ZNF410: variants seen among roughly 807,000 people sequenced by gnomAD.
ZNF410 encodes the protein zinc finger protein 410.
A neutral mutation model predicts 54.8 loss-of-function variants in ZNF410; 18 were observed. The observed-to-expected ratio is 0.33, with a 90% CI of 0.23 to 0.49. The LOEUF (loss-of-function observed/expected upper bound fraction) is 0.49, where lower values mean the gene tolerates loss of function less well. Ranked by LOEUF, ZNF410 falls within the 20% of genes least tolerant of loss-of-function variation. The pLI is 0.99. For synonymous variants in ZNF410, 191 were observed against 207.3 expected (o/e 0.92, Z 0.68); for missense variants, 405 against 569.6 (o/e 0.71, Z 2.94).
intron 11 of ZNF410, among the ~76,000 whole-genome samples, chr14:73,926,020 T>TGA (rs1322104115): frequency 6.6e-6 from 1 of 152,124 alleles, no homozygotes; most frequent in Non-Finnish European, 1.5e-5. Flanking sequence ...GGTGACAGAG[T>TGA]GAGACCCTGT....
chr14:73,901,933 CA>C lies in ZNF410; in HGVS notation c.581-2014del, dbSNP rs200015374. Among the ~76,000 whole-genome samples the C allele has an allele frequency of 2.5e-3, 320 of 126,244 alleles. 1 individual carries two copies. The highest frequency in any genetic ancestry group is 3.8e-3 in the Non-Finnish European group (224 of 59,206). The allele number at this position is 126,244 out of a possible 152,430, so 82.8% of individuals were successfully genotyped here. A position where few individuals can be genotyped will look rare whatever the true frequency, so the allele number is the denominator to read the frequency against. On this transcript the variant is annotated intron_variant, in intron 5 of 11. Coordinates refer to ENST00000555044, the MANE Select transcript of ZNF410 (RefSeq NM_021188.3). ...TGGGCAACAAAATGAGACCCTGTCT[CA>C]AAAAAAAAAAAAGAAAAAATTTAAA...
intron 5 of ZNF410, among the ~76,000 whole-genome samples, chr14:73,900,285 A>G (rs901584000): frequency 6.6e-6 from 1 of 151,926 alleles, no homozygotes; most frequent in Non-Finnish European, 1.5e-5. Flanking sequence ...TTTCTAACTT[A>G]GTTATGTAAA....
chr14:73,931,491 A>G lies in ZNF410; in HGVS notation c.1399-12A>G, dbSNP rs1304099839. ...TGTAACCTATTCTAGATTTGCTTTCAATCTTTTACAGTTACTAAACCAAGG... is the reference window on the plus strand; with the variant it reads ...TGTAACCTATTCTAGATTTGCTTTCGATCTTTTACAGTTACTAAACCAAGG... On this transcript the variant is annotated splice_polypyrimidine_tract_variant and intron_variant, in intron 11 of 11. Coordinates refer to ENST00000555044, the MANE Select transcript of ZNF410 (RefSeq NM_021188.3). The G allele has an allele frequency of 3.7e-6, 6 of 1,606,910 alleles. No individual in the cohort carries two copies. The Admixed American group carries it at 1.0e-4, about 28-fold the overall frequency.
chr14:73,898,811 G>A (rs1389222966), intron 5 of ZNF410, among the ~76,000 whole-genome samples: 1 of 152,144 alleles, frequency 6.6e-6, no homozygotes, highest in Non-Finnish European at 1.5e-5. Flanking sequence ...TACTTACTCT[G>A]TGTCACTTTT....
chr14:73,899,926 T>A (rs1374882667), intron 5 of ZNF410, among the ~76,000 whole-genome samples: 1 of 152,208 alleles, frequency 6.6e-6, no homozygotes, highest in Non-Finnish European at 1.5e-5. Flanking sequence ...CTGGGCATTG[T>A]GGCTCATGCC....
intron 5 of ZNF410, among the ~76,000 whole-genome samples, chr14:73,902,421 A>G (rs1350250914): frequency 2.0e-5 from 3 of 152,056 alleles, no homozygotes; most frequent in African/African-American, 7.2e-5. Context: ...GGGCAATATT[A>G]AAGAAAAACT....
At chr14:73,904,486 C>G (rs1387121469) in intron 6 of ZNF410, among the ~76,000 whole-genome samples, 1 of 152,132 alleles carries the variant, frequency 6.6e-6, no homozygotes, top group East Asian at 1.9e-4. Flanking sequence ...GTTTAAGAGA[C>G]AGGATCTCAC....
At chr14:73,893,692 G>T in intron 2 of ZNF410, 105 bp from the exon 3 acceptor site, 1 of 1,282,716 alleles carries the variant, frequency 7.8e-7, no homozygotes, top group East Asian at 2.5e-5. Flanking sequence ...GTTTGAATAT[G>T]GATGAGACTA....
intron 3 of ZNF410, 29 bp from the exon 4 acceptor site, chr14:73,896,287 A>C (rs758369590): frequency 6.3e-7 from 1 of 1,583,030 alleles, no homozygotes. Context: ...TAGGTGCTAC[A>C]TAAAGCTGTG....
At chr14:73,902,654 G>A (rs1051828874) in intron 5 of ZNF410, among the ~76,000 whole-genome samples, 1 of 152,130 alleles carries the variant, frequency 6.6e-6, no homozygotes, top group African/African-American at 2.4e-5. Flanking sequence ...TATTGCTAAG[G>A]TATATATAGT....
At chr14:73,887,812 T>C (rs1293741612) in intron 1 of ZNF410, among the ~76,000 whole-genome samples, 1 of 152,200 alleles carries the variant, frequency 6.6e-6, no homozygotes, top group Non-Finnish European at 1.5e-5. Context: ...TGCATCTAAG[T>C]AGATGTCTAA....
At position 73,903,998 on chromosome 14, in the gene ZNF410, A is replaced by G. The variant is rs771782919; in HGVS notation, c.619A>G (p.Lys207Glu). The G allele has an allele frequency of 3.7e-6, 6 of 1,614,218 alleles. No individual in the cohort carries two copies. The highest frequency in any genetic ancestry group is 1.1e-5 in the South Asian group (1 of 91,082). Residue 207 changes from lysine to glutamate, a missense_variant, in exon 6 of 12, where the codon AAA (lysine) becomes GAA (glutamate). By Grantham distance (56) the Lys-to-Glu change is moderately conservative. This residue lies in a region of ZNF410 where 247 missense variants were observed against 342.8 expected (regional missense o/e 0.72). Transcript: ENST00000555044. ...VHLGSGDGQS[K>E]DSGPLPQVEK... ...CCTTGGTTCTGGTGATGGGCAGTCA[A>G]AAGATTCTGGGCCCCTTCCTCAAGT... is the stretch of plus-strand genomic sequence containing the variant.
rs751334414 is a variant in ZNF410 at position 73,931,565 on chromosome 14, A to G, written c.*24A>G. ...GAGCGTGGGTGCTGACTCCTGGAAG[A>G]GCAACTCTATCTGATCTCAAAATGC... On this transcript the variant is annotated 3_prime_UTR_variant, in exon 12 of 12. Transcript: ENST00000555044. 1 of 1,609,540 alleles carries G rather than the reference A, an allele frequency of 6.2e-7. No homozygotes were observed. The highest frequency in any genetic ancestry group is 8.5e-7 in the Non-Finnish European group (1 of 1,177,766).
At chr14:73,915,130 C>CT (rs1283950675) in intron 8 of ZNF410, among the ~76,000 whole-genome samples, 1 of 150,700 alleles carries the variant, frequency 6.6e-6, no homozygotes, top group Non-Finnish European at 1.5e-5. Flanking sequence ...GGTGTGGTAG[C>CT]TCATGACTGT....
At chr14:73,905,962 C>CATATAT (rs2055479204) in intron 7 of ZNF410, among the ~76,000 whole-genome samples, 1 of 22,964 alleles carries the variant, frequency 4.4e-5, no homozygotes, top group Non-Finnish European at 1.0e-4. Context: ...CACACACACA[C>CATATAT]ACACACATAT....
chr14:73,922,393 A>G, intron 10 of ZNF410, 187 bp downstream of exon 10: 1 of 453,840 alleles, frequency 2.2e-6, no homozygotes, highest in Non-Finnish European at 3.6e-6. Context: ...TTTTTCATTG[A>G]AGATAATATA....
At position 73,905,994 on chromosome 14, in the gene ZNF410, T is replaced by TAC. The variant is rs1555353445; in HGVS notation, c.913+917_913+918dup. Among the ~76,000 whole-genome samples, 8 of 136,592 alleles carry TAC rather than the reference T, an allele frequency of 5.9e-5. No individual in the cohort carries two copies. The East Asian group carries it at 8.5e-4, about 14-fold the overall frequency. 89.6% of individuals were successfully genotyped at this position (136,592 alleles called of 152,430 possible). On this transcript the variant is annotated intron_variant, in intron 7 of 11. Coordinates refer to ENST00000555044, the MANE Select transcript of ZNF410 (RefSeq NM_021188.3). The stretch of plus-strand genomic sequence containing the variant: ...ATATATATATATATATATATATATA[T>TAC]ACACACATACTTTTTTTTTTTTTGA...
At chr14:73,901,933 C>CAAA (rs200015374) in intron 5 of ZNF410, among the ~76,000 whole-genome samples, 2 of 126,346 alleles carry the variant, frequency 1.6e-5, no homozygotes, top group Admixed American at 1.6e-4. Flanking sequence ...GACCCTGTCT[C>CAAA]AAAAAAAAAA....
At chr14:73,903,270 T>C (rs2055434908) in intron 5 of ZNF410, among the ~76,000 whole-genome samples, 1 of 152,120 alleles carries the variant, frequency 6.6e-6, no homozygotes, top group Non-Finnish European at 1.5e-5. Flanking sequence ...TTTGTCATCT[T>C]TGTAGCACCC....
Sources: gnomAD v4.1 joint callset for allele counts (sites outside exome capture counted in the v4.1 genomes callset) on GRCh38, gnomAD v4.1.1 for gene constraint, gnomAD v4.1.1 regional missense constraint, MANE v1.5 for transcripts, NCBI Gene and HGNC (gene_info 2026-07-23, HGNC 2026-07-21) for gene names.